MARCHF1: variants seen among roughly 807,000 people sequenced by gnomAD.
MARCHF1 encodes the protein E3 ubiquitin-protein ligase MARCHF1.
Under a neutral mutation model 54.2 loss-of-function variants are expected in MARCHF1, and 40 were observed. The observed-to-expected ratio is 0.74, with a 90% CI of 0.57 to 0.96. The LOEUF is 0.96. Among genes scored for constraint, MARCHF1 ranks in the 40% least tolerant of loss-of-function variants. The pLI is 0.00. For missense variants in MARCHF1, 586 were observed against 656.5 expected, an observed-to-expected ratio of 0.89 and a Z score of 1.17; for synonymous variants, 236 against 236.3, an observed-to-expected ratio of 1.00 and a Z score of 0.01.
At chr4:163,934,190 T>C (rs1336524276) in intron 3 of MARCHF1, among the ~76,000 whole-genome samples, 2 of 151,960 alleles carry the variant, frequency 1.3e-5, no homozygotes, top group African/African-American at 4.8e-5. Context: ...TTGACTATAG[T>C]CCCAAAAAAG....
At chr4:163,811,262 T>C (rs199838930) in intron 4 of MARCHF1, among the ~76,000 whole-genome samples, 1 of 51,958 alleles carries the variant, frequency 1.9e-5, no homozygotes, top group Non-Finnish European at 6.2e-5. Context: ...GCACTAAACA[T>C]TGTTTAGTGG....
rs70952622 is a variant in MARCHF1, at chr4:164,323,597, C to CAAAAAAAAAAAA, written c.-323+60261_-323+60272dup. Among the ~76,000 whole-genome samples, 8 of 30,946 alleles carry CAAAAAAAAAAAA rather than the reference C, an allele frequency of 2.6e-4. 2 individuals carry two copies. Among genetic ancestry groups the CAAAAAAAAAAAA allele is most frequent in the African/African-American group, 1.2e-3 (8 of 6,458 alleles). 20.3% of individuals were successfully genotyped at this position (30,946 alleles called of 152,430 possible). On this transcript the variant is annotated intron_variant, in intron 1 of 9. Transcript: ENST00000514618. ...CACTGATTAAGGAGAGGATGAGTAG[C>CAAAAAAAAAAAA]AAAAAAAAAAAAAAAAAAAAAAAAA... is the stretch of plus-strand genomic sequence containing the variant.
intron 1 of MARCHF1, among the ~76,000 whole-genome samples, chr4:164,221,474 A>G (rs761102344): frequency 2.6e-5 from 4 of 152,120 alleles, no homozygotes; most frequent in Admixed American, 6.6e-5. Context: ...TAAAAAATTA[A>G]CGAATTCCCT....
chr4:163,821,335 T>C (rs1414179385), intron 4 of MARCHF1, among the ~76,000 whole-genome samples: 2 of 152,122 alleles, frequency 1.3e-5, no homozygotes, highest in East Asian at 3.9e-4. Context: ...CTTGTGTGGG[T>C]TTGATTATTT....
chr4:163,973,621 G>C (rs1414011851), intron 3 of MARCHF1, among the ~76,000 whole-genome samples: 1 of 152,136 alleles, frequency 6.6e-6, no homozygotes, highest in Admixed American at 6.6e-5. Flanking sequence ...AATACGGGTT[G>C]TTACAGTAAT....
chr4:163,733,238 T>C (rs191720769), intron 4 of MARCHF1, among the ~76,000 whole-genome samples: 2,705 of 56,858 alleles, frequency 0.048, 509 homozygotes, highest in East Asian at 0.095. Context: ...TATATATATA[T>C]ATACACGTGT....
At chr4:164,264,974 G>C (rs1208811845) in intron 1 of MARCHF1, among the ~76,000 whole-genome samples, 1 of 149,528 alleles carries the variant, frequency 6.7e-6, no homozygotes, top group Non-Finnish European at 1.5e-5. Context: ...TACCATTGTT[G>C]TGCGTTAAAT....
chr4:164,042,430 A>C (rs2089527407), intron 2 of MARCHF1, among the ~76,000 whole-genome samples: 1 of 152,160 alleles, frequency 6.6e-6, no homozygotes, highest in Admixed American at 6.5e-5. Context: ...AAAGGGAGAG[A>C]GAGCAAAGAG....
chr4:164,338,826 G>A (rs1212918956), intron 1 of MARCHF1, among the ~76,000 whole-genome samples: 3 of 152,044 alleles, frequency 2.0e-5, no homozygotes, highest in Non-Finnish European at 4.4e-5. Context: ...TACAAAATTA[G>A]CCAGGCTTGG....
At position 163,898,479 on chromosome 4, in the gene MARCHF1, C is replaced by T. The variant is rs143032833; in HGVS notation, c.-38-44310G>A. Among the ~76,000 whole-genome samples the T allele has an allele frequency of 8.4e-4, 128 of 152,144 alleles. 1 individual carries two copies. The highest frequency in any genetic ancestry group is 2.7e-3 in the African/African-American group (113 of 41,508). On this transcript the variant is annotated intron_variant, in intron 3 of 9. Coordinates refer to ENST00000514618, the MANE Select transcript of MARCHF1 (RefSeq NM_001394959.1). Reference sequence around the variant, plus strand: ...GGAGAAATGAAAATTAAAACCACAACGAGATGTTATCTTATACCAGTCAGA... The same window carrying T: ...GGAGAAATGAAAATTAAAACCACAATGAGATGTTATCTTATACCAGTCAGA...
At chr4:164,208,353 C>T (rs1380924503) in intron 1 of MARCHF1, among the ~76,000 whole-genome samples, 1 of 152,176 alleles carries the variant, frequency 6.6e-6, no homozygotes, top group Non-Finnish European at 1.5e-5. Flanking sequence ...TTCTTCCTGC[C>T]TCCCCTACCT....
intron 9 of MARCHF1, among the ~76,000 whole-genome samples, chr4:163,543,680 G>A (rs905565612): frequency 1.7e-4 from 26 of 152,208 alleles, no homozygotes; most frequent in African/African-American, 5.8e-4. Context: ...TGAGACCATC[G>A]TGTTCATTGT....
intron 3 of MARCHF1, chr4:163,932,833 C>G (rs1283215973): frequency 1.6e-6 from 1 of 624,222 alleles, no homozygotes; most frequent in Admixed American, 1.8e-5. Flanking sequence ...AAATATTTAA[C>G]AGCCAATGCA....
At chr4:163,673,016 A>G (rs770769679) in intron 5 of MARCHF1, among the ~76,000 whole-genome samples, 2 of 152,094 alleles carry the variant, frequency 1.3e-5, no homozygotes, top group Non-Finnish European at 2.9e-5. Flanking sequence ...CAATCTTCTC[A>G]TCTCAAGATT....
intron 2 of MARCHF1, among the ~76,000 whole-genome samples, chr4:164,102,984 A>G (rs1343316566): frequency 1.5e-5 from 2 of 130,292 alleles, no homozygotes; most frequent in Admixed American, 1.6e-4. Flanking sequence ...GATAAAACAG[A>G]CTTTAAACCA....
chr4:164,356,510 T>A (rs141146059), intron 1 of MARCHF1, among the ~76,000 whole-genome samples: 15 of 92,454 alleles, frequency 1.6e-4, no homozygotes, highest in South Asian at 1.3e-3. Context: ...GTAAACTATC[T>A]CAAGAACAAA....
intron 5 of MARCHF1, among the ~76,000 whole-genome samples, chr4:163,630,273 T>C (rs147048607): frequency 5.4e-5 from 5 of 92,816 alleles, no homozygotes; most frequent in African/African-American, 1.6e-4. Flanking sequence ...GAAAAAACTA[T>C]TGAGATATGC....
At chr4:163,617,674 T>C (rs1741558485) in intron 5 of MARCHF1, among the ~76,000 whole-genome samples, 1 of 152,180 alleles carries the variant, frequency 6.6e-6, no homozygotes, top group Admixed American at 6.6e-5. Context: ...ACATTCTTTA[T>C]TCTATGTATG....
chr4:164,007,467 T>C (rs538043771), intron 2 of MARCHF1, among the ~76,000 whole-genome samples: 2 of 151,696 alleles, frequency 1.3e-5, no homozygotes, highest in South Asian at 4.2e-4. Context: ...GTAATTGTGG[T>C]GTGCAATCCA....
Sources: gnomAD v4.1 joint callset for allele counts (sites outside exome capture counted in the v4.1 genomes callset) on GRCh38, gnomAD v4.1.1 for gene constraint, MANE v1.5 for transcripts, NCBI Gene and HGNC (gene_info 2026-07-23, HGNC 2026-07-21) for gene names.